The following UGT1A7 variants were observed in gnomAD, a reference collection of about 807,000 sequenced individuals.
UGT1A7 encodes the protein UDP glucuronosyltransferase family 1 member A7, also known as UDP-glucuronosyltransferase 1A7.
A neutral mutation model predicts 45.6 loss-of-function variants in UGT1A7; 33 were observed. That is an observed-to-expected ratio of 0.72 (90% confidence interval 0.55 to 0.97). The LOEUF (loss-of-function observed/expected upper bound fraction) is 0.97. Among genes scored for constraint, UGT1A7 ranks in the 50% least tolerant of loss-of-function variants. The pLI is 0.00. For synonymous variants in UGT1A7, 274 were observed against 250.6 expected (o/e 1.09, Z -0.88); for missense variants, 684 against 666.2 (o/e 1.03, Z -0.29).
intron 1 of UGT1A7, among the ~76,000 whole-genome samples, chr2:233,709,449 T>C (rs73996175): frequency 4.6e-4 from 70 of 152,334 alleles, no homozygotes; most frequent in African/African-American, 1.5e-3. Context: ...CTGCCGACTT[T>C]TAAAGCAATC....
intron 1 of UGT1A7, chr2:233,754,896 C>G: frequency 7.4e-7 from 1 of 1,350,638 alleles, no homozygotes; most frequent in Non-Finnish European, 9.9e-7. Flanking sequence ...GTTCCTCTGA[C>G]CCCCCAAAAT....
At chr2:233,747,534 A>G in intron 1 of UGT1A7, 1 of 1,605,506 alleles carries the variant, frequency 6.2e-7, no homozygotes. Context: ...ACATTTTCTG[A>G]AGACATTTTC....
intron 1 of UGT1A7, chr2:233,743,968 T>G: frequency 7.5e-7 from 1 of 1,327,238 alleles, no homozygotes; most frequent in Non-Finnish European, 1.0e-6. Flanking sequence ...GCGGCAAGGC[T>G]GCCAGCACCC....
At chr2:233,697,825 A>T (rs929296446) in intron 1 of UGT1A7, among the ~76,000 whole-genome samples, 4 of 152,164 alleles carry the variant, frequency 2.6e-5, no homozygotes, top group Admixed American at 1.3e-4. Context: ...ATTTCAAGAA[A>T]ATCTAATTAA....
At chr2:233,698,967 G>A (rs771951485) in intron 1 of UGT1A7, among the ~76,000 whole-genome samples, 2 of 152,206 alleles carry the variant, frequency 1.3e-5, no homozygotes, top group Non-Finnish European at 2.9e-5. Context: ...CCTTGGGGAA[G>A]CCCTTTGGCC....
intron 1 of UGT1A7, among the ~76,000 whole-genome samples, chr2:233,703,849 A>G (rs1436241192): frequency 6.6e-6 from 1 of 151,928 alleles, no homozygotes; most frequent in Non-Finnish European, 1.5e-5. Context: ...CACATTTAAT[A>G]CTATTATTGA....
At chr2:233,690,030 T>C in intron 1 of UGT1A7, 1 of 429,918 alleles carries the variant, frequency 2.3e-6, no homozygotes, top group South Asian at 1.7e-5. Flanking sequence ...CCTCAAGATC[T>C]GGGCCCAGAG....
chr2:233,684,461 T>A (rs2074680771), intron 1 of UGT1A7, among the ~76,000 whole-genome samples: 2 of 152,162 alleles, frequency 1.3e-5, no homozygotes, highest in South Asian at 4.1e-4. Flanking sequence ...TCTGAACCCA[T>A]GCTGAGTTTG....
intron 1 of UGT1A7, among the ~76,000 whole-genome samples, chr2:233,687,583 TAAA>T (rs71398794): frequency 1.5e-3 from 166 of 107,426 alleles, no homozygotes; most frequent in South Asian, 6.1e-3. Context: ...ACATTCTTTG[TAAA>T]AAAAAAAAAA....
intron 1 of UGT1A7, among the ~76,000 whole-genome samples, chr2:233,724,320 G>A (rs1387925983): frequency 4.7e-5 from 7 of 147,896 alleles, no homozygotes; most frequent in East Asian, 4.4e-4. Context: ...GGACGGGGCG[G>A]CTGGCCAGGC....
At chr2:233,716,882 C>T (rs960107716) in intron 1 of UGT1A7, among the ~76,000 whole-genome samples, 1 of 152,106 alleles carries the variant, frequency 6.6e-6, no homozygotes, top group African/African-American at 2.4e-5. Flanking sequence ...ATCTGTGCAG[C>T]CCAGACCCCT....
chr2:233,756,501 T>C (rs1696241019), intron 1 of UGT1A7: 1 of 152,186 alleles, frequency 6.6e-6, no homozygotes, highest in Non-Finnish European at 1.5e-5. Flanking sequence ...CCCAAGTATA[T>C]GGAGGGTCAA....
chr2:233,731,238 T>A (rs2078125574), intron 1 of UGT1A7, among the ~76,000 whole-genome samples: 1 of 152,108 alleles, frequency 6.6e-6, no homozygotes, highest in South Asian at 2.1e-4. Context: ...TGTTGAAAAG[T>A]GGGATGGCAT....
chr2:233,720,145 C>T (rs1311808159), intron 1 of UGT1A7, among the ~76,000 whole-genome samples: 2 of 152,118 alleles, frequency 1.3e-5, no homozygotes, highest in Non-Finnish European at 2.9e-5. Context: ...CCTAGGCACT[C>T]ACAGGAAGTA....
chr2:233,713,979 T>G lies in UGT1A7; in HGVS notation c.855+31187T>G. 2.5e-6 allele frequency: 4 copies of G among 1,594,106 alleles called. No individual in the cohort carries two copies. In the South Asian group the frequency reaches 4.6e-5, roughly 18 times the overall value. On this transcript the variant is annotated intron_variant, in intron 1 of 4. Coordinates refer to ENST00000373426, the MANE Select transcript of UGT1A7 (RefSeq NM_019077.3). ...CCAAAGATTTCATTTCTGCTTCTCATTGTTGTAATAGTCTTCAGTGAGATA... is the reference window on the plus strand; with the variant it reads ...CCAAAGATTTCATTTCTGCTTCTCAGTGTTGTAATAGTCTTCAGTGAGATA...
At chr2:233,701,498 T>C (rs1292229198) in intron 1 of UGT1A7, among the ~76,000 whole-genome samples, 11 of 152,126 alleles carry the variant, frequency 7.2e-5, no homozygotes, top group Middle Eastern at 3.2e-3. Context: ...GCGGACCTAA[T>C]AGACATCTAC....
chr2:233,737,494 C>G (rs1180844627), intron 1 of UGT1A7, among the ~76,000 whole-genome samples: 1 of 152,208 alleles, frequency 6.6e-6, no homozygotes, highest in Admixed American at 6.5e-5. Context: ...AGGGAAATCC[C>G]TCACCCTCTT....
At chr2:233,734,165 TG>T (rs2078494496) in intron 1 of UGT1A7, among the ~76,000 whole-genome samples, 1 of 152,186 alleles carries the variant, frequency 6.6e-6, no homozygotes, top group African/African-American at 2.4e-5. Context: ...GGACTTTTTT[TG>T]GTTGGTAGGC....
chr2:233,770,519 A>G (rs1327661350), intron 4 of UGT1A7: 1 of 152,120 alleles, frequency 6.6e-6, no homozygotes, highest in Non-Finnish European at 1.5e-5. Flanking sequence ...TTACCCAGGC[A>G]TGGTGGTGTA....
Sources: gnomAD v4.1 joint callset for allele counts (sites outside exome capture counted in the v4.1 genomes callset) on GRCh38, gnomAD v4.1.1 for gene constraint, MANE v1.5 for transcripts, NCBI Gene and HGNC (gene_info 2026-07-23, HGNC 2026-07-21) for gene names.